Variants in URB1 observed in about 807,000 individuals in gnomAD.
URB1 encodes the protein URB1 ribosome biogenesis factor.
URB1 carries 197 observed loss-of-function variants against 242.3 expected under a neutral mutation model. That is an observed-to-expected ratio of 0.81 (90% confidence interval 0.72 to 0.91). URB1 has a LOEUF of 0.91. Among genes scored for constraint, URB1 ranks in the 40% least tolerant of loss-of-function variants. The pLI, the probability that URB1 is intolerant of heterozygous loss-of-function variation, is 0.00. For missense variants in URB1, 2,721 were observed against 2,860.5 expected, an observed-to-expected ratio of 0.95 and a Z score of 1.11; for synonymous variants, 1,153 against 1,201.8, an observed-to-expected ratio of 0.96 and a Z score of 0.84.
Position 32,352,898 on chromosome 21 carries a change from C to A in URB1, c.2425G>T (p.Val809Phe), listed in dbSNP as rs376691874. Reference protein sequence around the residue: ...LGTGNEAAENVVTYLTAVLTD... With the variant: ...LGTGNEAAENFVTYLTAVLTD... ...AGCACTGCCGTCAGATATGTCACAACGTTTTCCGCTGCAAAGGAACGAGAT... is the reference window on the plus strand; with the variant it reads ...AGCACTGCCGTCAGATATGTCACAAAGTTTTCCGCTGCAAAGGAACGAGAT... The change falls in exon 19 of 39, where the codon GTT (valine) becomes TTT (phenylalanine). Residue 809 changes from valine to phenylalanine, a missense_variant. By Grantham distance (50) the Val-to-Phe change is conservative (BLOSUM62 -1). Coordinates refer to ENST00000382751, the MANE Select transcript of URB1 (RefSeq NM_014825.3). 7.1e-6 allele frequency: 11 copies of A among 1,545,310 alleles called. No individual in the cohort carries two copies. Among genetic ancestry groups the A allele is most frequent in the African/African-American group, 1.4e-5 (1 of 72,914 alleles).
At position 32,350,875 on chromosome 21, in the gene URB1, G is replaced by A. The variant is rs553638799; in HGVS notation, c.2661C>T (p.Ala887=). The A allele has an allele frequency of 6.4e-7, 1 of 1,550,454 alleles. No individual in the cohort carries two copies. The highest frequency in any genetic ancestry group is 8.7e-7 in the Non-Finnish European group (1 of 1,146,994). Residue 887 remains alanine, a synonymous_variant, in exon 20 of 39, where the codon GCC becomes GCT. Coordinates refer to ENST00000382751, the MANE Select transcript of URB1 (RefSeq NM_014825.3). ...GSPSPPALPL[A]SSFTALLQAA... is the part of the protein sequence containing the mutation. The stretch of plus-strand genomic sequence containing the variant: ...CCTGCAGCAGGGCTGTGAAGGACGA[G>A]GCCAAGGGAAGGGCAGGGGGCGAGG...
intron 10 of URB1, among the ~76,000 whole-genome samples, chr21:32,364,440 G>A (rs1320531319): frequency 2.6e-5 from 4 of 152,150 alleles, no homozygotes; most frequent in South Asian, 2.1e-4. Flanking sequence ...CTGACAGTGC[G>A]GTAGAAACAA....
intron 34 of URB1, among the ~76,000 whole-genome samples, chr21:32,321,325 A>T (rs2032762681): frequency 6.6e-6 from 1 of 152,160 alleles, no homozygotes; most frequent in Non-Finnish European, 1.5e-5. Flanking sequence ...TGGCTAGGTG[A>T]GGCTGTCTGT....
intron 12 of URB1, among the ~76,000 whole-genome samples, chr21:32,361,516 A>G (rs566729746): frequency 3.3e-5 from 5 of 152,312 alleles, no homozygotes; most frequent in African/African-American, 1.2e-4. Flanking sequence ...ATGAAATACG[A>G]TACAGACATA....
chr21:32,317,022 G>A lies in URB1; in HGVS notation c.6078C>T (p.Ala2026=). 1 of 1,549,492 alleles carries A rather than the reference G, an allele frequency of 6.5e-7. No homozygotes were observed. Among genetic ancestry groups the A allele is most frequent in the Non-Finnish European group, 8.7e-7 (1 of 1,146,348 alleles). ...DKNKPVMPAR[A]KGPRGRKRRP... is the part of the protein sequence containing the mutation. The stretch of plus-strand genomic sequence containing the variant: ...TCCTCTTTCGGCCCCGTGGGCCTTT[G>A]GCTCGGGCTGGCATGACAGGCTTGT... Residue 2026 remains alanine, a synonymous_variant, in exon 38 of 39, where the codon GCC becomes GCT. Coordinates refer to ENST00000382751, the MANE Select transcript of URB1 (RefSeq NM_014825.3).
In URB1 at chr21:32,314,450, G is replaced by A. The variant is rs1185997963; in HGVS notation, c.*468C>T. On this transcript the variant is annotated 3_prime_UTR_variant, in exon 39 of 39. Transcript: ENST00000382751. ...TTCACCCGCCTTGGCCTCCCAAAGT[G>A]CTGGGATTATAGGCGTGAGCCACCT... The A allele has an allele frequency of 1.8e-6, 2 of 1,084,314 alleles. No individual in the cohort carries two copies. The highest frequency in any genetic ancestry group is 2.8e-6 in the Non-Finnish European group (2 of 709,408). 67.2% of individuals were successfully genotyped at this position (1,084,314 alleles called of 1,614,324 possible).
At chr21:32,355,272 T>C (rs751378595) in intron 16 of URB1, among the ~76,000 whole-genome samples, 177 bp downstream of exon 16, 71 of 152,334 alleles carry the variant, frequency 4.7e-4, no homozygotes, top group Non-Finnish European at 8.2e-4. Flanking sequence ...TGCTGTAATA[T>C]ATACGTATTT....
At chr21:32,361,197 A>AAGAAAGAAAGAAAGAAAGAAAGAC in intron 12 of URB1, 74 bp from the exon 13 acceptor site, 4 of 901,610 alleles carry the variant, frequency 4.4e-6, no homozygotes, top group Non-Finnish European at 4.9e-6. Context: ...GAAAGAAAGA[A>AAGAAAGAAAGAAAGAAAGAAAGAC]AGAAAGAAAA....
At position 32,347,158 on chromosome 21, in the gene URB1, G is replaced by A. The variant is rs1160741742; in HGVS notation, c.3666C>T (p.Cys1222=). 6.5e-7 allele frequency: 1 copy of A among 1,549,090 alleles called. No individual in the cohort carries two copies. The highest frequency in any genetic ancestry group is 8.7e-7 in the Non-Finnish European group (1 of 1,146,332). Residue 1222 remains cysteine, a synonymous_variant, in exon 22 of 39, where the codon TGC becomes TGT. Transcript: ENST00000382751. Reference sequence around the variant, plus strand: ...GGGCCGCCTGTGTGCGCCGGGCCAGGCAGTAGTCAAGCAGATCAGCCCCGA... The same window carrying A: ...GGGCCGCCTGTGTGCGCCGGGCCAGACAGTAGTCAAGCAGATCAGCCCCGA... ...PAVGADLLDY[C]LARRTQAALS...
At position 32,361,908 on chromosome 21, in the gene URB1, G is replaced by A. The variant is rs373458122; in HGVS notation, c.1623C>T (p.Cys541=). The A allele has an allele frequency of 1.6e-5, 25 of 1,551,136 alleles. No individual in the cohort carries two copies. The highest frequency in any genetic ancestry group is 4.1e-5 in the African/African-American group (3 of 73,024). The part of the protein sequence containing the change: ...QKRSDGPPAA[C]DAHQCDDAET... The stretch of plus-strand genomic sequence containing the variant: ...AGACCTTACCGCACTGGTGAGCATC[G>A]CAGGCAGCCGGGGGCCCATCGCTCC... The change falls in exon 12 of 39, where the codon TGC becomes TGT. Residue 541 remains cysteine, a synonymous_variant. Coordinates refer to ENST00000382751, the MANE Select transcript of URB1 (RefSeq NM_014825.3).
rs913661463 is a variant in URB1, at chr21:32,355,095, T to C, written c.2107-98A>G. On this transcript the variant is annotated intron_variant, in intron 16 of 38. Transcript: ENST00000382751. ...TGGTCAAAATCAAGGCAAGTGATAA[T>C]ATGTTCAATCCTTAATTAGAATAGT... is the stretch of plus-strand genomic sequence containing the variant. The C allele has an allele frequency of 1.8e-5, 25 of 1,367,782 alleles. No homozygotes were observed. The East Asian group carries it at 5.6e-4, about 30-fold the overall frequency. The allele number at this position is 1,367,782 out of a possible 1,614,324, so 84.7% of individuals were successfully genotyped here. A position where few individuals can be genotyped will look rare whatever the true frequency, so the allele number is the denominator to read the frequency against.
chr21:32,352,749 G>C lies in URB1; in HGVS notation c.2574C>G (p.Tyr858Ter). 1.9e-6 allele frequency: 3 copies of C among 1,551,660 alleles called. No individual in the cohort carries two copies. The highest frequency in any genetic ancestry group is 2.6e-6 in the Non-Finnish European group (3 of 1,146,980). ...CCQQLSRFNRYYSLWIPEQAR... is the reference protein window; with the variant it reads ...CCQQLSRFNR The stretch of plus-strand genomic sequence containing the variant: ...CTTGCTCCGGGATCCAGAGGCTGTA[G>C]TATCTGTTAAACCGTGAGAGCTGCT... The change falls in exon 19 of 39, where the codon TAC becomes TAG. Residue 858 changes from tyrosine to a stop codon, truncating the protein, a stop_gained. Transcript: ENST00000382751. LOFTEE classifies it high-confidence loss of function.
At position 32,344,593 on chromosome 21, in the gene URB1, G is replaced by C; in HGVS notation, c.4234C>G (p.Leu1412Val). 6.4e-7 allele frequency: 1 copy of C among 1,552,256 alleles called. No homozygotes were observed. The highest frequency in any genetic ancestry group is 2.0e-5 in the Admixed American group (1 of 51,008). ...ACCAACAACGCATTTAATCTAAGCA[G>C]CATTTCCTTCTCCTGATTCTGAGTA... ...DNTQNQEKEMLLRLNALLHAL... is the reference protein window; with the variant it reads ...DNTQNQEKEMVLRLNALLHAL... Residue 1412 changes from leucine to valine, a missense_variant, in exon 24 of 39, where the codon CTG becomes GTG. By Grantham distance (32) the Leu-to-Val change is conservative. Transcript: ENST00000382751.
chr21:32,375,366 G>T, intron 6 of URB1, 32 bp downstream of exon 6: 1 of 1,370,702 alleles, frequency 7.3e-7, no homozygotes, highest in Non-Finnish European at 9.9e-7. Context: ...AGGGAAAACA[G>T]ACAACAGAAA....
At chr21:32,334,426 T>C in intron 28 of URB1, 92 bp from the exon 29 acceptor site, 2 of 1,410,208 alleles carry the variant, frequency 1.4e-6, no homozygotes, top group Non-Finnish European at 1.9e-6. Flanking sequence ...GTTGTCAGGC[T>C]GCCAGTTCAC....
intron 9 of URB1, among the ~76,000 whole-genome samples, chr21:32,367,165 C>T (rs1482794154): frequency 6.6e-6 from 1 of 152,180 alleles, no homozygotes; most frequent in Non-Finnish European, 1.5e-5. Context: ...GATAGGCACA[C>T]TTTACATTAA....
At chr21:32,362,074 C>A in intron 11 of URB1, 53 bp from the exon 12 acceptor site, 1 of 1,539,954 alleles carries the variant, frequency 6.5e-7, no homozygotes, top group Non-Finnish European at 8.8e-7. Context: ...CAAAGGGAGA[C>A]AAATGAACTG....
intron 30 of URB1, among the ~76,000 whole-genome samples, chr21:32,326,883 A>G (rs545305867): frequency 6.6e-6 from 1 of 152,346 alleles, no homozygotes; most frequent in South Asian, 2.1e-4. Context: ...AGATGGGATT[A>G]TCAGTGATTA....
rs1219369346 is a variant in URB1 at position 32,347,030 on chromosome 21, A to G, written c.3794T>C (p.Leu1265Pro). 7.7e-6 allele frequency: 12 copies of G among 1,549,260 alleles called. 1 individual carries two copies. Among genetic ancestry groups the G allele is most frequent in the Non-Finnish European group, 1.0e-5 (12 of 1,145,400 alleles). ...ATGGATGAGGGGAAGGAAGTCGTCC[A>G]GGTCCCCCTGGAGGCCGAGCCCTGG... ...AGPGLGLQGD[L>P]DDFLPLIHVY... Residue 1265 changes from leucine (L) to proline (P), a missense_variant, in exon 22 of 39, where the codon CTG becomes CCG. By Grantham distance (98) the Leu-to-Pro change is moderately conservative (BLOSUM62 -3). Transcript: ENST00000382751.
Sources: gnomAD v4.1 joint callset for allele counts (sites outside exome capture counted in the v4.1 genomes callset) on GRCh38, gnomAD v4.1.1 for gene constraint, MANE v1.5 for transcripts, NCBI Gene and HGNC (gene_info 2026-07-23, HGNC 2026-07-21) for gene names.